The following CD83 variants were observed in gnomAD, a reference collection of about 807,000 sequenced individuals.
CD83 encodes the protein CD83 molecule, also known as CD83 antigen.
Under a neutral mutation model 24.6 loss-of-function variants are expected in CD83, and 22 were observed. That is an observed-to-expected ratio of 0.90 (90% confidence interval 0.64 to 1.28). The LOEUF is 1.28. CD83 is among the 50% of genes most tolerant of loss of function. CD83 has a pLI of 0.00. For missense variants in CD83, 253 were observed against 252.8 expected (o/e 1.00, Z -0.01); for synonymous variants, 101 against 103.5 (o/e 0.98, Z 0.14).
At chr6:14,133,622 C>A in intron 3 of CD83, 27 bp from the exon 4 acceptor site, 1 of 1,457,234 alleles carries the variant, frequency 6.9e-7, no homozygotes, top group Non-Finnish European at 9.5e-7. Context: ...GTTAAAATGG[C>A]TTCACATGTC....
intron 2 of CD83, among the ~76,000 whole-genome samples, chr6:14,120,123 C>T (rs1759638556): frequency 6.6e-6 from 1 of 152,176 alleles, no homozygotes. Flanking sequence ...AATGAAAAGT[C>T]ATACCGTAGT....
intron 2 of CD83, among the ~76,000 whole-genome samples, chr6:14,130,701 C>T (rs1449584953): frequency 3.3e-5 from 5 of 152,180 alleles, no homozygotes; most frequent in Non-Finnish European, 7.4e-5. Flanking sequence ...CCAGTTCTCT[C>T]CAGCCTGGGT....
chr6:14,130,158 C>T (rs1757853074), intron 2 of CD83, among the ~76,000 whole-genome samples: 1 of 152,140 alleles, frequency 6.6e-6, no homozygotes, highest in Non-Finnish European at 1.5e-5. Context: ...CTGCTGGTCC[C>T]CAGCCAACCA....
Position 14,117,939 on chromosome 6 carries a change from CT to C in CD83, c.38-8del. The stretch of plus-strand genomic sequence containing the variant: ...GTCGCTTGCTCACGACGCGCTCTCT[CT>C]TTCTTGTAGCCTACAGCCTGGCTCC... On this transcript the variant is annotated splice_polypyrimidine_tract_variant and intron_variant, in intron 1 of 4. Coordinates refer to ENST00000379153, the MANE Select transcript of CD83 (RefSeq NM_004233.4). The surrounding 1 kb of genome is among the most constrained non-coding windows in gnomAD (Gnocchi z 4.6). The C allele has an allele frequency of 6.2e-7, 1 of 1,605,154 alleles. No individual in the cohort carries two copies. The highest frequency in any genetic ancestry group is 8.5e-7 in the Non-Finnish European group (1 of 1,178,036).
intron 2 of CD83, among the ~76,000 whole-genome samples, chr6:14,128,414 G>T (rs1341427411): frequency 6.6e-6 from 1 of 152,170 alleles, no homozygotes; most frequent in Non-Finnish European, 1.5e-5. Context: ...CCACAGCTGG[G>T]GGTCACAAGA....
chr6:14,122,868 G>C (rs1287339186), intron 2 of CD83, among the ~76,000 whole-genome samples: 1 of 152,228 alleles, frequency 6.6e-6, no homozygotes, highest in East Asian at 1.9e-4. Flanking sequence ...TTTTGCCAGA[G>C]GACCATCTTG....
At chr6:14,127,287 G>A (rs1294762551) in intron 2 of CD83, among the ~76,000 whole-genome samples, 2 of 152,026 alleles carry the variant, frequency 1.3e-5, no homozygotes, top group African/African-American at 2.4e-5. Flanking sequence ...ACCGTGCCTG[G>A]CCCTGCATTC....
intron 2 of CD83, among the ~76,000 whole-genome samples, chr6:14,119,977 G>A (rs553880801): frequency 5.3e-5 from 8 of 152,292 alleles, no homozygotes; most frequent in South Asian, 4.1e-4. Flanking sequence ...GACGTAACTC[G>A]GTAACGCATG....
At chr6:14,128,981 T>G (rs1189680602) in intron 2 of CD83, among the ~76,000 whole-genome samples, 2 of 152,226 alleles carry the variant, frequency 1.3e-5, no homozygotes, top group African/African-American at 2.4e-5. Flanking sequence ...TGGGGCCATC[T>G]TTATGTAAAT....
Position 14,118,053 on chromosome 6 carries a change from C to T in CD83, c.141C>T (p.Val47=), listed in dbSNP as rs1433740012. 1.2e-6 allele frequency: 2 copies of T among 1,607,578 alleles called. No homozygotes were observed. Among genetic ancestry groups the T allele is most frequent in the Middle Eastern group, 1.6e-4 (1 of 6,080 alleles). The stretch of plus-strand genomic sequence containing the variant: ...GGGATCCGCAGGTTCCCTACACGGT[C>T]TCCTGGGTCAAGGTAGGTGCTGCGA... ...APWDPQVPYT[V]SWVKLLEGGE... is the part of the protein sequence containing the mutation. The change falls in exon 2 of 5, where the codon GTC becomes GTT. Residue 47 remains valine, a synonymous_variant. Transcript: ENST00000379153.
At position 14,129,629 on chromosome 6, in the gene CD83, G is replaced by A. The variant is rs1164935283; in HGVS notation, c.154-1891G>A. Among the ~76,000 whole-genome samples, 3 of 152,064 alleles carry A rather than the reference G, an allele frequency of 2.0e-5. No homozygotes were observed. The highest frequency in any genetic ancestry group is 4.4e-5 in the Non-Finnish European group (3 of 68,016). On this transcript the variant is annotated intron_variant, in intron 2 of 4. Coordinates refer to ENST00000379153, the MANE Select transcript of CD83 (RefSeq NM_004233.4). This position sits in a 1 kb window ranked among gnomAD's most constrained non-coding sequence, Gnocchi z 4.3. ...CCATCAAGAAATGGGATTTATGTCC[G>A]CAGACTCGGCCTGAGAAGAGCCGTT...
intron 2 of CD83, among the ~76,000 whole-genome samples, chr6:14,121,844 A>G (rs1759678359): frequency 6.6e-6 from 1 of 151,942 alleles, no homozygotes; most frequent in Non-Finnish European, 1.5e-5. Context: ...CTGTGTCTAC[A>G]CTCTCTTTAA....
intron 2 of CD83, 35 bp downstream of exon 2, chr6:14,118,100 T>TG (rs757961559): frequency 2.0e-6 from 3 of 1,482,744 alleles, no homozygotes; most frequent in Admixed American, 1.9e-5. Context: ...TGGGGTTTGG[T>TG]GGGCTCATTT....
chr6:14,117,336 T>C (rs1350504173), upstream of CD83: 1 of 152,194 alleles, frequency 6.6e-6, no homozygotes, highest in Non-Finnish European at 1.5e-5. The surrounding 1 kb of genome is among the most constrained non-coding windows in gnomAD (Gnocchi z 4.6). Flanking sequence ...TCTGAGGAAG[T>C]TGCCCACCCT....
rs1456413983 is a variant in CD83, at chr6:14,117,947, T to TA, written c.38-2dup. 8 of 1,606,824 alleles carry TA rather than the reference T, an allele frequency of 5.0e-6. No homozygotes were observed. In the African/African-American group the frequency reaches 5.4e-5, roughly 11 times the overall value. On this transcript the variant is annotated splice_polypyrimidine_tract_variant and splice_region_variant and intron_variant, in intron 1 of 4. Coordinates refer to ENST00000379153, the MANE Select transcript of CD83 (RefSeq NM_004233.4). This position sits in a 1 kb window ranked among gnomAD's most constrained non-coding sequence, Gnocchi z 4.6. Reference sequence around the variant, plus strand: ...CTCACGACGCGCTCTCTCTTTCTTGTAGCCTACAGCCTGGCTCCCGCGACG... The same window carrying TA: ...CTCACGACGCGCTCTCTCTTTCTTGTAAGCCTACAGCCTGGCTCCCGCGACG...
chr6:14,125,368 T>C (rs1332396056), intron 2 of CD83, among the ~76,000 whole-genome samples: 1 of 152,222 alleles, frequency 6.6e-6, no homozygotes, highest in Non-Finnish European at 1.5e-5. Context: ...ACTACAGAGT[T>C]GGACAAGTTG....
chr6:14,117,599 G>A (rs1435185880), upstream of CD83: 1 of 161,506 alleles, frequency 6.2e-6, no homozygotes, highest in Non-Finnish European at 1.3e-5. This position sits in a 1 kb window ranked among gnomAD's most constrained non-coding sequence, Gnocchi z 4.6. Flanking sequence ...GACGGGGGCG[G>A]GGACGGGGGC....
chr6:14,133,543 G>T, intron 3 of CD83, 106 bp from the exon 4 acceptor site: 1 of 718,604 alleles, frequency 1.4e-6, no homozygotes, highest in Non-Finnish European at 2.4e-6. Context: ...GGTGGGAAGA[G>T]GAGACAAGCA....
intron 2 of CD83, among the ~76,000 whole-genome samples, chr6:14,122,338 G>A (rs781339707): frequency 1.2e-4 from 19 of 152,152 alleles, no homozygotes; most frequent in Non-Finnish European, 2.5e-4. Context: ...TTTTGGTGGA[G>A]TTATGTTTTC....
Sources: gnomAD v4.1 joint callset for allele counts (sites outside exome capture counted in the v4.1 genomes callset) on GRCh38, gnomAD v4.1.1 for gene constraint, Gnocchi (gnomAD v3.1) non-coding constraint, MANE v1.5 for transcripts, NCBI Gene and HGNC (gene_info 2026-07-23, HGNC 2026-07-21) for gene names.